Variants in BMP7 observed in about 807,000 individuals in gnomAD.
BMP7 encodes osteogenic protein 1.
In BMP7, 12 loss-of-function variants were observed where a neutral mutation model predicts 41.2. That is an observed-to-expected ratio of 0.29 (90% CI 0.19 to 0.47). The LOEUF (loss-of-function observed/expected upper bound fraction) is 0.47, where lower values mean the gene tolerates loss of function less well. Ranked by LOEUF, BMP7 falls within the 20% of genes least tolerant of loss-of-function variation. The probability of loss-of-function intolerance (pLI) is 0.99; values close to 1 mark genes in which losing one functional copy is unlikely to be tolerated. For synonymous variants in BMP7, 248 were observed against 250.0 expected (o/e 0.99, Z 0.07); for missense variants, 467 against 606.0 (o/e 0.77, Z 2.41).
intron 3 of BMP7, among the ~76,000 whole-genome samples, chr20:57,190,707 C>T (rs374385143): frequency 4.6e-5 from 7 of 152,242 alleles, no homozygotes; most frequent in South Asian, 2.1e-4. Context: ...GGCCCCACCA[C>T]GCTCAGGGCC....
At chr20:57,252,787 G>A (rs546772871) in intron 1 of BMP7, among the ~76,000 whole-genome samples, 3 of 152,158 alleles carry the variant, frequency 2.0e-5, no homozygotes, top group African/African-American at 7.2e-5. Flanking sequence ...TGCGTTTGAG[G>A]CTAAGGCTCC....
chr20:57,199,437 G>T (rs765302243), intron 3 of BMP7, among the ~76,000 whole-genome samples: 2 of 152,154 alleles, frequency 1.3e-5, no homozygotes, highest in African/African-American at 2.4e-5. Flanking sequence ...TGGCTGACAG[G>T]AGCACTAGAA....
intron 3 of BMP7, among the ~76,000 whole-genome samples, chr20:57,186,862 T>A (rs1984224591): frequency 6.6e-6 from 1 of 152,188 alleles, no homozygotes; most frequent in South Asian, 2.1e-4. Context: ...TTACCTTAAC[T>A]CCCTTTAACG....
In BMP7 at chr20:57,183,881, G is replaced by A. The variant is rs148287752; in HGVS notation, c.799C>T (p.Arg267Trp). 20 of 1,614,048 alleles carry A rather than the reference G, an allele frequency of 1.2e-5. No homozygotes were observed. The highest frequency in any genetic ancestry group is 4.5e-5 in the East Asian group (2 of 44,886). The stretch of plus-strand genomic sequence containing the variant: ...GGCTGCTTGTTCTGGGGCCCGTGCC[G>A]CCCAATCAGGCCCGCCAACTTGGGG... ...INPKLAGLIG[R>W]HGPQNKQPFM... Residue 267 changes from arginine to tryptophan, a missense_variant, in exon 4 of 7, where the codon CGG becomes TGG. Arg to Trp is a moderately radical substitution (Grantham distance 101). This residue lies in a region of BMP7 where 407 missense variants were observed against 485.9 expected (regional missense o/e 0.84). Coordinates refer to ENST00000395863, the MANE Select transcript of BMP7 (RefSeq NM_001719.3).
chr20:57,228,388 T>C lies in BMP7; in HGVS notation c.452A>G (p.Tyr151Cys), dbSNP rs1490728166. 2 of 1,614,114 alleles carry C rather than the reference T, an allele frequency of 1.2e-6. 1 individual carries two copies. The highest frequency in any genetic ancestry group is 2.2e-5 in the South Asian group (2 of 91,064). ...ATCAAACCGGAACTCTCGATGGTGG[T>C]AGCGTGGGTGGAAGAATTCCTTGTC... ...EHDKEFFHPR[Y>C]HHREFRFDLS... The change falls in exon 2 of 7, where the codon TAC (tyrosine) becomes TGC (cysteine). Residue 151 changes from tyrosine (Y) to cysteine (C), a missense_variant. Tyr to Cys is a radical substitution (Grantham distance 194). Around this residue, in one of 2 missense-constraint regions of BMP7, gnomAD observed 407 missense variants for 485.9 expected, o/e 0.84. Transcript: ENST00000395863. The surrounding 1 kb of genome is among the most constrained non-coding windows in gnomAD (Gnocchi z 4.5).
At position 57,196,081 on chromosome 20, in the gene BMP7, C is replaced by T. The variant is rs553755553; in HGVS notation, c.760+6394G>A. ...TGATTGACATGGCCCTCCTGAGTCG[C>T]GAGTGATTTCTTCTGCAAACAAGGA... On this transcript the variant is annotated intron_variant, in intron 3 of 6. Transcript: ENST00000395863. Among the ~76,000 whole-genome samples, 6 of 152,182 alleles carry T rather than the reference C, an allele frequency of 3.9e-5. No homozygotes were observed. In the East Asian group the frequency reaches 5.8e-4, roughly 15 times the overall value.
chr20:57,241,332 C>T (rs771197835), intron 1 of BMP7, among the ~76,000 whole-genome samples: 4 of 152,208 alleles, frequency 2.6e-5, no homozygotes, highest in Non-Finnish European at 4.4e-5. Context: ...GTTCTGCATC[C>T]GACTCAGCTC....
At chr20:57,230,260 C>T (rs1052866449) in intron 1 of BMP7, among the ~76,000 whole-genome samples, 2 of 152,110 alleles carry the variant, frequency 1.3e-5, no homozygotes, top group Non-Finnish European at 2.9e-5. Context: ...GAGAGAAGGC[C>T]ATGGGGATGT....
At chr20:57,234,103 T>C (rs1387794888) in intron 1 of BMP7, among the ~76,000 whole-genome samples, 2 of 152,122 alleles carry the variant, frequency 1.3e-5, no homozygotes, top group Non-Finnish European at 2.9e-5. Flanking sequence ...ATCCCTCGTG[T>C]ATCTGTCTCT....
rs550915714 is a variant in BMP7 at position 57,266,196 on chromosome 20, G to A, written c.-74C>T. 222 of 1,363,204 alleles carry A rather than the reference G, an allele frequency of 1.6e-4. 1 individual carries two copies. In the East Asian group the frequency reaches 4.4e-3, roughly 27 times the overall value. The allele number at this position is 1,363,204 out of a possible 1,614,324, so 84.4% of individuals were successfully genotyped here. A position where few individuals can be genotyped will look rare whatever the true frequency, so the allele number is the denominator to read the frequency against. On this transcript the variant is annotated 5_prime_UTR_variant, in exon 1 of 7. Coordinates refer to ENST00000395863, the MANE Select transcript of BMP7 (RefSeq NM_001719.3). The stretch of plus-strand genomic sequence containing the variant: ...GCCCCAGGTGGCAGAGGGGGCAGGC[G>A]GCCGTCCGCGCCGCTCGGTCACTTG...
At chr20:57,258,278 C>G (rs550615019) in intron 1 of BMP7, among the ~76,000 whole-genome samples, 1 of 152,360 alleles carries the variant, frequency 6.6e-6, no homozygotes. Flanking sequence ...TGAAGCCATT[C>G]TCTTTCGTCC....
At chr20:57,211,717 A>C (rs1984888262) in intron 2 of BMP7, among the ~76,000 whole-genome samples, 1 of 151,896 alleles carries the variant, frequency 6.6e-6, no homozygotes, top group African/African-American at 2.4e-5. Flanking sequence ...AGCAGGGGTC[A>C]GGGTGGTGTG....
intron 1 of BMP7, among the ~76,000 whole-genome samples, chr20:57,264,531 C>A (rs1600650053): frequency 6.6e-6 from 1 of 152,196 alleles, no homozygotes; most frequent in East Asian, 1.9e-4. Context: ...AGGGGGAGCT[C>A]CCCGGCCCTC....
In BMP7 at chr20:57,265,970, C is replaced by T. The variant is rs770163557; in HGVS notation, c.153G>A (p.Arg51=). 18 of 1,551,464 alleles carry T rather than the reference C, an allele frequency of 1.2e-5. No homozygotes were observed. The African/African-American group carries it at 1.5e-4, about 13-fold the overall frequency. Residue 51 remains arginine (R), a synonymous_variant, in exon 1 of 7, where the codon CGG becomes CGA. Coordinates refer to ENST00000395863, the MANE Select transcript of BMP7 (RefSeq NM_001719.3). ...FIHRRLRSQE[R]REMQREILSI... ...AGAGGATCTCGCGCTGCATCTCCCG[C>T]CGCTCCTGGCTGCGGAGGCGCCGGT...
At chr20:57,238,078 G>A (rs1433729486) in intron 1 of BMP7, among the ~76,000 whole-genome samples, 2 of 151,992 alleles carry the variant, frequency 1.3e-5, no homozygotes, top group East Asian at 1.9e-4. Context: ...ATCTTGCAAC[G>A]CCAAAACTCT....
chr20:57,234,112 C>G (rs993099430), intron 1 of BMP7, among the ~76,000 whole-genome samples: 1 of 152,144 alleles, frequency 6.6e-6, no homozygotes, highest in Admixed American at 6.5e-5. Context: ...GTATCTGTCT[C>G]TCTTGGAGAG....
intron 3 of BMP7, among the ~76,000 whole-genome samples, chr20:57,199,108 C>A (rs1349781960): frequency 6.6e-6 from 1 of 152,120 alleles, no homozygotes; most frequent in East Asian, 1.9e-4. Context: ...AGTAAGAGGT[C>A]CCCAGGGTAG....
Position 57,259,647 on chromosome 20 carries a change from T to G in BMP7, c.418+6058A>C, listed in dbSNP as rs1157995656. Among the ~76,000 whole-genome samples, 1 of 152,188 alleles carries G rather than the reference T, an allele frequency of 6.6e-6. No homozygotes were observed. Among genetic ancestry groups the G allele is most frequent in the Non-Finnish European group, 1.5e-5 (1 of 68,042 alleles). On this transcript the variant is annotated intron_variant, in intron 1 of 6. Transcript: ENST00000395863. The surrounding 1 kb of genome is among the most constrained non-coding windows in gnomAD (Gnocchi z 4.7). ...CACTCCACGCGGATCAGCACAGGCTTTGCGCGGCTCCCCACAATGCCTTCC... is the reference window on the plus strand; with the variant it reads ...CACTCCACGCGGATCAGCACAGGCTGTGCGCGGCTCCCCACAATGCCTTCC...
At chr20:57,218,362 C>T (rs1985082842) in intron 2 of BMP7, among the ~76,000 whole-genome samples, 1 of 144,764 alleles carries the variant, frequency 6.9e-6, no homozygotes, top group Non-Finnish European at 1.5e-5. Flanking sequence ...TTGAGCACCA[C>T]CTCGGACAGA....
Sources: gnomAD v4.1 joint callset for allele counts (sites outside exome capture counted in the v4.1 genomes callset) on GRCh38, gnomAD v4.1.1 for gene constraint, gnomAD v4.1.1 regional missense constraint, Gnocchi (gnomAD v3.1) non-coding constraint, MANE v1.5 for transcripts, NCBI Gene and HGNC (gene_info 2026-07-23, HGNC 2026-07-21) for gene names.